KPNA7: variants seen among roughly 807,000 people sequenced by gnomAD.
KPNA7 encodes the protein karyopherin subunit alpha 7.
A neutral mutation model predicts 53.7 loss-of-function variants in KPNA7; 54 were observed. That is an observed-to-expected ratio of 1.01 (90% CI 0.81 to 1.26). The LOEUF (loss-of-function observed/expected upper bound fraction) is 1.26, where lower values mean the gene tolerates loss of function less well. KPNA7 is among the 50% of genes most tolerant of loss of function. The pLI is 0.00. For missense variants in KPNA7, 640 were observed against 644.5 expected, an observed-to-expected ratio of 0.99 and a Z score of 0.07; for synonymous variants, 276 against 259.3, an observed-to-expected ratio of 1.06 and a Z score of -0.62.
the KPNA7 span, among the ~76,000 whole-genome samples, chr7:99,154,530 C>CT: frequency 2.6e-3 from 370 of 142,062 alleles, 2 homozygotes; most frequent in Non-Finnish European, 2.5e-3. Flanking sequence ...AAACTTAGGT[C>CT]TTTTTTTTTT....
chr7:99,195,417 G>T, intron 4 of KPNA7, 79 bp from the exon 5 acceptor site: 1 of 1,348,238 alleles, frequency 7.4e-7, no homozygotes, highest in Non-Finnish European at 1.0e-6. Context: ...GGCCAGGTGC[G>T]GTGGCTCACA....
At chr7:99,195,978 C>T in intron 4 of KPNA7, 106 bp downstream of exon 4, 3 of 832,246 alleles carry the variant, frequency 3.6e-6, no homozygotes, top group Non-Finnish European at 5.9e-6. Context: ...GTTTTACGGG[C>T]ATGTTGCCAA....
At chr7:99,214,526 G>T (rs1168317561) in intron 1 of KPNA7, among the ~76,000 whole-genome samples, 1 of 148,272 alleles carries the variant, frequency 6.7e-6, no homozygotes. Flanking sequence ...TACTTGGGAG[G>T]CTGAGGAGGG....
At chr7:99,180,177 C>G (rs954793050) in intron 9 of KPNA7, among the ~76,000 whole-genome samples, 6 of 152,302 alleles carry the variant, frequency 3.9e-5, no homozygotes, top group Middle Eastern at 3.4e-3. Context: ...GTCCAAGTGA[C>G]TTCCCGGTCA....
At chr7:99,218,512 A>G (rs374596604) in intron 1 of KPNA7, among the ~76,000 whole-genome samples, 1 of 152,256 alleles carries the variant, frequency 6.6e-6, no homozygotes, top group East Asian at 1.9e-4. Context: ...AAGGCCGAGG[A>G]CATGGGAGTC....
the KPNA7 span, among the ~76,000 whole-genome samples, chr7:99,167,246 CCTT>C: frequency 6.6e-6 from 1 of 152,188 alleles, no homozygotes; most frequent in African/African-American, 2.4e-5. Context: ...TACCAGACTA[CCTT>C]CTTCACCTCC....
chr7:99,201,505 T>C (rs1233517664), intron 3 of KPNA7, among the ~76,000 whole-genome samples: 1 of 151,560 alleles, frequency 6.6e-6, no homozygotes, highest in African/African-American at 2.4e-5. Flanking sequence ...CTACTAAAAA[T>C]ACAAAAAATT....
intron 6 of KPNA7, among the ~76,000 whole-genome samples, chr7:99,190,189 T>A (rs1162823143): frequency 6.6e-6 from 1 of 151,764 alleles, no homozygotes; most frequent in Non-Finnish European, 1.5e-5. Context: ...ACACAAAAAT[T>A]AGCCAGGCGG....
At chr7:99,209,213 T>C (rs889478552), upstream of KPNA7, among the ~76,000 whole-genome samples, 1 of 151,958 alleles carries the variant, frequency 6.6e-6, no homozygotes, top group African/African-American at 2.4e-5. Context: ...ATCAGGCATA[T>C]GTACAGGGTG....
intron 1 of KPNA7, among the ~76,000 whole-genome samples, chr7:99,218,198 G>A (rs770451565): frequency 6.6e-6 from 1 of 152,078 alleles, no homozygotes; most frequent in African/African-American, 2.4e-5. Context: ...ACTGGGCCTC[G>A]CTATGTTGCC....
At chr7:99,202,557 C>A (rs1790594677) in intron 3 of KPNA7, among the ~76,000 whole-genome samples, 2 of 151,898 alleles carry the variant, frequency 1.3e-5, no homozygotes, top group African/African-American at 4.8e-5. Context: ...GAAATATCAC[C>A]TTTTTGGCCA....
At chr7:99,199,379 T>G (rs1298879481) in intron 3 of KPNA7, among the ~76,000 whole-genome samples, 1 of 152,148 alleles carries the variant, frequency 6.6e-6, no homozygotes, top group Admixed American at 6.5e-5. Context: ...AAACCTTTGT[T>G]TGATGACAAA....
In KPNA7 at chr7:99,201,134, T is replaced by G. The variant is rs955774974; in HGVS notation, c.201+1972A>C. Among the ~76,000 whole-genome samples the G allele has an allele frequency of 7.2e-5, 11 of 152,330 alleles. 1 individual carries two copies. The South Asian group carries it at 1.0e-3, about 14-fold the overall frequency. On this transcript the variant is annotated intron_variant, in intron 3 of 10. Transcript: ENST00000327442. Reference sequence around the variant, plus strand: ...TTTATATGATTGCATTTCTAGGGAATGTCTAGAACAGGTCATTCCAGAGAG... The same window carrying G: ...TTTATATGATTGCATTTCTAGGGAAGGTCTAGAACAGGTCATTCCAGAGAG...
At chr7:99,182,208 T>C (rs1157117035) in intron 8 of KPNA7, 143 bp from the exon 9 acceptor site, 2 of 599,948 alleles carry the variant, frequency 3.3e-6, no homozygotes, top group Admixed American at 3.3e-5. Flanking sequence ...TACCTGCCTC[T>C]AGCTCTTTCT....
intron 7 of KPNA7, 54 bp from the exon 8 acceptor site, chr7:99,185,216 C>T: frequency 8.1e-7 from 1 of 1,240,072 alleles, no homozygotes; most frequent in Non-Finnish European, 1.2e-6. Flanking sequence ...CAGGAGAAGG[C>T]AACAATCACA....
At chr7:99,189,225 A>G (rs1024886801) in intron 6 of KPNA7, among the ~76,000 whole-genome samples, 3 of 152,128 alleles carry the variant, frequency 2.0e-5, no homozygotes, top group African/African-American at 7.2e-5. Flanking sequence ...CCAGATTTCT[A>G]ATCTTCTAAT....
intron 3 of KPNA7, among the ~76,000 whole-genome samples, chr7:99,200,895 G>A (rs1202929049): frequency 6.6e-6 from 1 of 152,124 alleles, no homozygotes; most frequent in East Asian, 1.9e-4. Flanking sequence ...TTGATCCCGG[G>A]AGACAAAAGT....
At chr7:99,174,806 CTTAT>C (rs1157956609) in intron 10 of KPNA7, among the ~76,000 whole-genome samples, 1 of 145,016 alleles carries the variant, frequency 6.9e-6, no homozygotes. Context: ...AAAGAGGTCT[CTTAT>C]TTATTATTTT....
At chr7:99,207,558 G>T in intron 1 of KPNA7, 69 bp from the exon 2 acceptor site, 1 of 629,258 alleles carries the variant, frequency 1.6e-6, no homozygotes, top group South Asian at 1.5e-5. Flanking sequence ...AGTATCATAA[G>T]GCTCTAACCC....
Sources: gnomAD v4.1 joint callset for allele counts (sites outside exome capture counted in the v4.1 genomes callset) on GRCh38, gnomAD v4.1.1 for gene constraint, MANE v1.5 for transcripts, NCBI Gene and HGNC (gene_info 2026-07-23, HGNC 2026-07-21) for gene names.